CSMD1: variants seen among roughly 807,000 people sequenced by gnomAD.
CSMD1 encodes the protein CUB and Sushi multiple domains 1, also known as CUB and sushi domain-containing protein 1.
A neutral mutation model predicts 417.5 loss-of-function variants in CSMD1; 213 were observed. That is an observed-to-expected ratio of 0.51 (90% confidence interval 0.46 to 0.57). CSMD1 has a LOEUF of 0.57. Ranked by LOEUF, CSMD1 falls within the 20% of genes least tolerant of loss-of-function variation. The probability of loss-of-function intolerance (pLI) is 0.00; values close to 1 mark genes in which losing one functional copy is unlikely to be tolerated. For missense variants in CSMD1, 6,923 were observed against 4,529.7 expected (o/e 1.53, Z -15.17); for synonymous variants, 2,862 against 1,736.8 (o/e 1.65, Z -16.11).
intron 18 of CSMD1, among the ~76,000 whole-genome samples, chr8:3,374,173 C>G (rs970504846): frequency 7.2e-6 from 1 of 137,992 alleles, no homozygotes; most frequent in Non-Finnish European, 1.5e-5. Flanking sequence ...CGGCTAGTCT[C>G]GAACTCCTGA....
chr8:4,837,554 A>T (rs1051113493), intron 1 of CSMD1, among the ~76,000 whole-genome samples: 1 of 152,180 alleles, frequency 6.6e-6, no homozygotes, highest in African/African-American at 2.4e-5. Context: ...GAATCTAAAA[A>T]TCAAAACAAT....
At chr8:3,675,675 C>T (rs1585057424) in intron 7 of CSMD1, among the ~76,000 whole-genome samples, 1 of 152,106 alleles carries the variant, frequency 6.6e-6, no homozygotes, top group East Asian at 1.9e-4. Context: ...TTAGAAGATG[C>T]CATCTGCAAA....
chr8:3,387,966 G>A (rs1811114212), intron 17 of CSMD1, among the ~76,000 whole-genome samples: 1 of 151,974 alleles, frequency 6.6e-6, no homozygotes, highest in African/African-American at 2.4e-5. Flanking sequence ...TTTCTTCTTG[G>A]AAAATCAATG....
At chr8:4,926,124 C>T (rs1000386028) in intron 1 of CSMD1, among the ~76,000 whole-genome samples, 26 of 151,996 alleles carry the variant, frequency 1.7e-4, no homozygotes, top group African/African-American at 5.3e-4. Flanking sequence ...TTATCAATGC[C>T]GATATTCATG....
At chr8:3,329,273 C>T (rs189832123) in intron 23 of CSMD1, among the ~76,000 whole-genome samples, 2 of 152,196 alleles carry the variant, frequency 1.3e-5, no homozygotes, top group Admixed American at 6.5e-5. Context: ...CTATAAGACA[C>T]ATTTCCAGCA....
intron 1 of CSMD1, among the ~76,000 whole-genome samples, chr8:4,905,785 A>C (rs185522104): frequency 9.1e-5 from 13 of 142,080 alleles, no homozygotes; most frequent in African/African-American, 3.4e-4. Flanking sequence ...GTGCCACTGC[A>C]CTCCAGCCTG....
chr8:4,717,549 C>T (rs933897720), intron 1 of CSMD1, among the ~76,000 whole-genome samples: 28 of 148,864 alleles, frequency 1.9e-4, no homozygotes, highest in African/African-American at 6.4e-4. Flanking sequence ...TGTCTGTCTA[C>T]CTATCTATCT....
At chr8:4,897,186 T>A (rs148844878) in intron 1 of CSMD1, among the ~76,000 whole-genome samples, 2 of 152,078 alleles carry the variant, frequency 1.3e-5, no homozygotes, top group South Asian at 4.1e-4. Context: ...AGCTGTGCAA[T>A]GTCAGGGGAG....
intron 4 of CSMD1, among the ~76,000 whole-genome samples, chr8:4,002,610 G>T (rs1007875092): frequency 1.3e-5 from 2 of 152,114 alleles, no homozygotes; most frequent in East Asian, 3.9e-4. Context: ...CAGTTTAGCT[G>T]CTAAAGATAT....
chr8:4,052,034 C>G (rs1445506277), intron 3 of CSMD1, among the ~76,000 whole-genome samples: 1 of 151,924 alleles, frequency 6.6e-6, no homozygotes, highest in East Asian at 1.9e-4. Flanking sequence ...TATACAGGTT[C>G]AAGGGATTAT....
In CSMD1 at chr8:2,987,539, T is replaced by A. The variant is rs536390226; in HGVS notation, c.8378-8739A>T. 6.2e-3 allele frequency among the ~76,000 whole-genome samples: 948 copies of A among 152,070 alleles called. 5 individuals carry two copies. The highest frequency in any genetic ancestry group is 0.011 in the Non-Finnish European group (726 of 67,974). Reference sequence around the variant, plus strand: ...AAAATCAAAGCTTATTCACTACTATTTTGAAAGATGATTGATACAGTACTT... The same window carrying A: ...AAAATCAAAGCTTATTCACTACTATATTGAAAGATGATTGATACAGTACTT... On this transcript the variant is annotated intron_variant, in intron 54 of 69. Transcript: ENST00000635120.
intron 7 of CSMD1, among the ~76,000 whole-genome samples, chr8:3,696,849 C>T (rs1800581460): frequency 6.6e-6 from 1 of 152,016 alleles, no homozygotes; most frequent in Non-Finnish European, 1.5e-5. Flanking sequence ...GTTTAAATTC[C>T]CTTATTTCTA....
chr8:3,073,780 G>A (rs1201212625), intron 49 of CSMD1, among the ~76,000 whole-genome samples: 3 of 136,176 alleles, frequency 2.2e-5, no homozygotes, highest in Non-Finnish European at 4.8e-5. Flanking sequence ...AAAATATAAT[G>A]GTCAAAAAAT....
chr8:4,647,357 A>C (rs1423826865), intron 1 of CSMD1, among the ~76,000 whole-genome samples: 1 of 151,226 alleles, frequency 6.6e-6, no homozygotes, highest in Non-Finnish European at 1.5e-5. Context: ...CGCGTGTGCC[A>C]CGGCGGCCTG....
chr8:3,798,368 C>T (rs1401857922), intron 5 of CSMD1, among the ~76,000 whole-genome samples: 1 of 151,962 alleles, frequency 6.6e-6, no homozygotes, highest in African/African-American at 2.4e-5. Context: ...TTACATTAGC[C>T]TCTAGTTTTT....
At chr8:4,169,615 A>G (rs928036015) in intron 3 of CSMD1, among the ~76,000 whole-genome samples, 1 of 152,104 alleles carries the variant, frequency 6.6e-6, no homozygotes, top group Non-Finnish European at 1.5e-5. Flanking sequence ...AATATGAGAA[A>G]AAGTGCATCA....
chr8:4,395,909 G>T (rs111290471), intron 3 of CSMD1, among the ~76,000 whole-genome samples: 9 of 152,298 alleles, frequency 5.9e-5, no homozygotes, highest in South Asian at 4.1e-4. Context: ...AAGTGTAATT[G>T]TAAGTCTGAC....
At chr8:3,980,764 T>C (rs1170687370) in intron 5 of CSMD1, among the ~76,000 whole-genome samples, 1 of 152,212 alleles carries the variant, frequency 6.6e-6, no homozygotes, top group African/African-American at 2.4e-5. Context: ...TCATTTCTGC[T>C]GCAGGCGACA....
chr8:4,157,286 C>A (rs531031827), intron 3 of CSMD1, among the ~76,000 whole-genome samples: 3 of 152,196 alleles, frequency 2.0e-5, no homozygotes, highest in Non-Finnish European at 4.4e-5. Flanking sequence ...TTTAGTGATG[C>A]AATTGCAGAG....
Sources: gnomAD v4.1 joint callset for allele counts (sites outside exome capture counted in the v4.1 genomes callset) on GRCh38, gnomAD v4.1.1 for gene constraint, MANE v1.5 for transcripts, NCBI Gene and HGNC (gene_info 2026-07-23, HGNC 2026-07-21) for gene names.